The following CASP2 variants were observed in gnomAD, a reference collection of about 807,000 sequenced individuals.
CASP2 encodes the protein caspase-2.
CASP2 carries 38 observed loss-of-function variants against 54.4 expected under a neutral mutation model. That is an observed-to-expected ratio of 0.70 (90% CI 0.54 to 0.92). The LOEUF (loss-of-function observed/expected upper bound fraction) is 0.92, where lower values mean the gene tolerates loss of function less well. Ranked by LOEUF, CASP2 falls within the 40% of genes least tolerant of loss-of-function variation. The probability of loss-of-function intolerance (pLI) is 0.00; values close to 1 mark genes in which losing one functional copy is unlikely to be tolerated. For synonymous variants in CASP2, 215 were observed against 216.3 expected (o/e 0.99, Z 0.05); for missense variants, 512 against 579.6 (o/e 0.88, Z 1.20).
At chr7:143,288,835 AT>A (rs1586448912) in intron 1 of CASP2, among the ~76,000 whole-genome samples, 2 of 152,216 alleles carry the variant, frequency 1.3e-5, no homozygotes, top group African/African-American at 4.8e-5. Flanking sequence ...TCTCTTGAAG[AT>A]TCTTCATCCT....
Position 143,299,994 on chromosome 7 carries a change from A to T in CASP2, c.819A>T (p.Ala273=). 1 of 1,613,846 alleles carries T rather than the reference A, an allele frequency of 6.2e-7. No homozygotes were observed. The highest frequency in any genetic ancestry group is 8.5e-7 in the Non-Finnish European group (1 of 1,179,934). ...GAGTCACGGACTCCTGCATCGTGGC[A>T]CTCCTCTCGCATGGTGTGGAGGGCG... is the stretch of plus-strand genomic sequence containing the variant. The part of the protein sequence containing the change: ...AHRVTDSCIV[A]LLSHGVEGAI... Residue 273 remains alanine, a synonymous_variant, in exon 7 of 11, where the codon GCA becomes GCT. Coordinates refer to ENST00000310447, the MANE Select transcript of CASP2 (RefSeq NM_032982.4).
intron 6 of CASP2, among the ~76,000 whole-genome samples, chr7:143,297,539 C>T (rs1438848860): frequency 1.3e-5 from 2 of 152,140 alleles, no homozygotes; most frequent in Non-Finnish European, 2.9e-5. Context: ...CTCTGCCTCC[C>T]AGGTTCAAGC....
chr7:143,303,489 T>A (rs988263980), intron 8 of CASP2: 1 of 276,284 alleles, frequency 3.6e-6, no homozygotes, highest in African/African-American at 2.2e-5. Context: ...AAGGAGTATT[T>A]GATTTGGCAT....
At chr7:143,291,415 A>C (rs1374082696) in intron 1 of CASP2, 125 bp from the exon 2 acceptor site, 3 of 936,370 alleles carry the variant, frequency 3.2e-6, no homozygotes, top group African/African-American at 3.2e-5. Context: ...AGATTTAAGA[A>C]ATATGCATAA....
At chr7:143,299,071 C>T (rs934270205) in intron 6 of CASP2, among the ~76,000 whole-genome samples, 1 of 152,006 alleles carries the variant, frequency 6.6e-6, no homozygotes, top group African/African-American at 2.4e-5. Flanking sequence ...GTGATCCCTC[C>T]ACCGTAGCCT....
In CASP2 at chr7:143,291,596, G is replaced by T; in HGVS notation, c.131G>T (p.Arg44Leu). ...CATCAGGAAACTCTAAAAAAGAACC[G>T]AGTGGTGCTAGCCAAACAGCTGTTG... is the stretch of plus-strand genomic sequence containing the variant. The part of the protein sequence containing the change: ...PHHQETLKKN[R>L]VVLAKQLLLS... Residue 44 changes from arginine to leucine, a missense_variant, in exon 2 of 11, where the codon CGA (arginine) becomes CTA (leucine). Around this residue, in one of 3 missense-constraint regions of CASP2, gnomAD observed 89 missense variants for 67.1 expected, o/e 1.33. Transcript: ENST00000310447. The T allele has an allele frequency of 1.2e-6, 2 of 1,613,960 alleles. No individual in the cohort carries two copies. Among genetic ancestry groups the T allele is most frequent in the Non-Finnish European group, 1.7e-6 (2 of 1,179,918 alleles).
At chr7:143,299,843 G>T in intron 6 of CASP2, 80 bp from the exon 7 acceptor site, 1 of 1,504,550 alleles carries the variant, frequency 6.6e-7, no homozygotes, top group South Asian at 1.1e-5. Flanking sequence ...AATAGCTTAG[G>T]GTTTCAAAAA....
chr7:143,292,501 G>C (rs1195197691), intron 3 of CASP2, 34 bp downstream of exon 3: 1 of 1,613,150 alleles, frequency 6.2e-7, no homozygotes, highest in African/African-American at 1.3e-5. Flanking sequence ...GTGTTGGGAA[G>C]GGTTAGTTTG....
Position 143,305,578 on chromosome 7 carries a change from G to C in CASP2, c.*507G>C, listed in dbSNP as rs541699078. On this transcript the variant is annotated 3_prime_UTR_variant, in exon 11 of 11. Coordinates refer to ENST00000310447, the MANE Select transcript of CASP2 (RefSeq NM_032982.4). ...GACATTATCTTTTGGCTCTGAAGAA[G>C]CAAACATGACTAGAGACGCACCTTG... 4.8e-4 allele frequency: 128 copies of C among 265,064 alleles called. No individual in the cohort carries two copies. The highest frequency in any genetic ancestry group is 2.4e-3 in the African/African-American group (109 of 45,264). 16.4% of individuals were successfully genotyped at this position (265,064 alleles called of 1,614,324 possible).
In CASP2 at chr7:143,294,755, A is replaced by G. The variant is rs1324153519; in HGVS notation, c.729A>G (p.Leu243=). 18 of 1,614,054 alleles carry G rather than the reference A, an allele frequency of 1.1e-5. No homozygotes were observed. The highest frequency in any genetic ancestry group is 1.6e-4 in the Middle Eastern group (1 of 6,084). The change falls in exon 6 of 11, where the codon CTA becomes CTG. Residue 243 remains leucine (L), a synonymous_variant. Coordinates refer to ENST00000310447, the MANE Select transcript of CASP2 (RefSeq NM_032982.4). ...TTTTGGGCTATGACGTCCATGTTCT[A>G]TGTGACCAGACTGCACAGGTACCTG... ...FKLLGYDVHV[L]CDQTAQEMQE... is the part of the protein sequence containing the mutation.
intron 9 of CASP2, among the ~76,000 whole-genome samples, chr7:143,304,253 T>C (rs1419120746): frequency 6.6e-6 from 1 of 152,236 alleles, no homozygotes; most frequent in African/African-American, 2.4e-5. Flanking sequence ...TTTTTACAAA[T>C]TGAAGGTTTG....
chr7:143,294,797 C>T (rs1563062233), intron 6 of CASP2, 24 bp downstream of exon 6: 1 of 1,600,926 alleles, frequency 6.2e-7, no homozygotes, highest in South Asian at 1.1e-5. Flanking sequence ...GAAAAATTGA[C>T]ATGTAAATTA....
intron 10 of CASP2, 71 bp from the exon 11 acceptor site, chr7:143,304,868 TC>T (rs998100085): frequency 1.2e-6 from 2 of 1,610,604 alleles, no homozygotes; most frequent in Non-Finnish European, 1.7e-6. Flanking sequence ...ATAGTCCGTC[TC>T]CCCTTCCCGT....
Position 143,292,288 on chromosome 7 carries a change from C to G in CASP2, c.226-12C>G. 6.2e-7 allele frequency: 1 copy of G among 1,613,550 alleles called. No individual in the cohort carries two copies. The highest frequency in any genetic ancestry group is 8.5e-7 in the Non-Finnish European group (1 of 1,179,566). ...AGTAAATATGATTTCATGTTTTATT[C>G]TTGTGTCTTAGGCCAAAGTGGGCAG... On this transcript the variant is annotated splice_polypyrimidine_tract_variant and intron_variant, in intron 2 of 10. Coordinates refer to ENST00000310447, the MANE Select transcript of CASP2 (RefSeq NM_032982.4).
chr7:143,294,615 C>T lies in CASP2; in HGVS notation c.589C>T (p.Arg197Trp), dbSNP rs577740192. 8.1e-6 allele frequency: 13 copies of T among 1,614,186 alleles called. No homozygotes were observed. The highest frequency in any genetic ancestry group is 5.3e-5 in the African/African-American group (4 of 75,076). ...TCCACAGGCATATAGGTTGCAGTCT[C>T]GGCCTCGTGGCCTAGCACTGGTGTT... ...HFQLAYRLQS[R>W]PRGLALVLSN... Residue 197 changes from arginine (R) to tryptophan (W), a missense_variant, in exon 6 of 11, where the codon CGG becomes TGG. Arg to Trp is a moderately radical substitution (Grantham distance 101). Around this residue, in one of 3 missense-constraint regions of CASP2, gnomAD observed 417 missense variants for 495.4 expected, o/e 0.84. Coordinates refer to ENST00000310447, the MANE Select transcript of CASP2 (RefSeq NM_032982.4).
At position 143,299,964 on chromosome 7, in the gene CASP2, A is replaced by G; in HGVS notation, c.789A>G (p.Ala263=). 6.2e-7 allele frequency: 1 copy of G among 1,614,188 alleles called. No individual in the cohort carries two copies. The highest frequency in any genetic ancestry group is 8.5e-7 in the Non-Finnish European group (1 of 1,180,032). ...EKLQNFAQLP[A]HRVTDSCIVA... ...TGCAGAATTTTGCACAGTTACCTGC[A>G]CACCGAGTCACGGACTCCTGCATCG... The change falls in exon 7 of 11, where the codon GCA becomes GCG. Residue 263 remains alanine (A), a synonymous_variant. Transcript: ENST00000310447.
At chr7:143,294,407 C>T (rs1801681302) in intron 5 of CASP2, 83 bp downstream of exon 5, 1 of 1,093,894 alleles carries the variant, frequency 9.1e-7, no homozygotes, top group African/African-American at 1.5e-5. Flanking sequence ...TTTGCATGTA[C>T]ATTTCCTTTC....
rs2116752066 is a variant in CASP2, at chr7:143,288,444, G to A, written c.-12G>A. Reference sequence around the variant, plus strand: ...GGGCGGTGCGCAGCGGAGAGCCCGGGAAAAGCGGGAAATGGCGGCGCCGAG... The same window carrying A: ...GGGCGGTGCGCAGCGGAGAGCCCGGAAAAAGCGGGAAATGGCGGCGCCGAG... On this transcript the variant is annotated 5_prime_UTR_variant, in exon 1 of 11. Transcript: ENST00000310447. 6.2e-7 allele frequency: 1 copy of A among 1,612,462 alleles called. No individual in the cohort carries two copies. Among genetic ancestry groups the A allele is most frequent in the East Asian group, 2.2e-5 (1 of 44,868 alleles).
In CASP2 at chr7:143,305,093, G is replaced by A. The variant is rs569292237; in HGVS notation, c.*22G>A. The A allele has an allele frequency of 4.8e-5, 78 of 1,613,762 alleles. No individual in the cohort carries two copies. Among genetic ancestry groups the A allele is most frequent in the South Asian group, 4.6e-4 (42 of 91,080 alleles). ...ATGATGTCACCTCCCCATCATCCAC[G>A]CCAAGTGGAAGCCACTGGACCACAG... is the stretch of plus-strand genomic sequence containing the variant. On this transcript the variant is annotated 3_prime_UTR_variant, in exon 11 of 11. Coordinates refer to ENST00000310447, the MANE Select transcript of CASP2 (RefSeq NM_032982.4).
Sources: gnomAD v4.1 joint callset for allele counts (sites outside exome capture counted in the v4.1 genomes callset) on GRCh38, gnomAD v4.1.1 for gene constraint, gnomAD v4.1.1 regional missense constraint, MANE v1.5 for transcripts, NCBI Gene and HGNC (gene_info 2026-07-23, HGNC 2026-07-21) for gene names.